TRAK1: variants seen among roughly 807,000 people sequenced by gnomAD.
TRAK1 encodes trafficking kinesin-binding protein 1.
In TRAK1, 33 loss-of-function variants were observed where a neutral mutation model predicts 92.1. The ratio of observed to expected loss-of-function variants is 0.36; its 90% CI spans 0.27 to 0.48. The LOEUF is 0.48. Ranked by LOEUF, TRAK1 falls within the 20% of genes least tolerant of loss-of-function variation. TRAK1 has a pLI of 0.99. For missense variants in TRAK1, 1,123 were observed against 1,257.9 expected (o/e 0.89, Z 1.62); for synonymous variants, 521 against 517.3 (o/e 1.01, Z -0.10).
At chr3:42,173,519 A>T (rs1490463431) in intron 2 of TRAK1, among the ~76,000 whole-genome samples, 1 of 152,166 alleles carries the variant, frequency 6.6e-6, no homozygotes, top group Non-Finnish European at 1.5e-5. Context: ...GAGTCTCCTG[A>T]GAAAACCTAA....
At chr3:42,199,921 A>T (rs1315713363) in intron 11 of TRAK1, among the ~76,000 whole-genome samples, 1 of 152,252 alleles carries the variant, frequency 6.6e-6, no homozygotes, top group Non-Finnish European at 1.5e-5. Flanking sequence ...CATTTAAAAA[A>T]TTTAAAATCA....
intron 1 of TRAK1, among the ~76,000 whole-genome samples, chr3:42,041,785 G>GTTTTTTT (rs530723218): frequency 7.7e-4 from 103 of 133,632 alleles, no homozygotes; most frequent in Non-Finnish European, 1.1e-3. Context: ...TATTTCTATT[G>GTTTTTTT]TTTTTTTTTT....
chr3:42,131,252 G>A (rs1438907127), intron 2 of TRAK1, among the ~76,000 whole-genome samples: 1 of 152,064 alleles, frequency 6.6e-6, no homozygotes, highest in Non-Finnish European at 1.5e-5. Flanking sequence ...CACAGTGGTC[G>A]CTCCCTTCTG....
At chr3:42,108,563 C>T (rs1707912447) in intron 1 of TRAK1, among the ~76,000 whole-genome samples, 1 of 150,688 alleles carries the variant, frequency 6.6e-6, no homozygotes, top group Non-Finnish European at 1.5e-5. Flanking sequence ...CACATCATGA[C>T]CCTGACAAGA....
upstream of TRAK1, chr3:42,091,194 C>T (rs1438274386): frequency 2.4e-6 from 1 of 410,016 alleles, no homozygotes; most frequent in Non-Finnish European, 4.3e-6. Flanking sequence ...TGCTACTCCC[C>T]TTCCCCCAAC....
intron 2 of TRAK1, among the ~76,000 whole-genome samples, chr3:42,152,353 T>G (rs1013685865): frequency 1.3e-5 from 2 of 152,218 alleles, no homozygotes; most frequent in African/African-American, 4.8e-5. Flanking sequence ...AGCAATGGCC[T>G]TGGCAGAATT....
rs373768026 is a variant in TRAK1 at position 42,160,857 on chromosome 3, G to T, written c.287-15957G>T. 4.7e-4 allele frequency among the ~76,000 whole-genome samples: 72 copies of T among 152,152 alleles called. No homozygotes were observed. In the South Asian group the frequency reaches 0.011, roughly 22 times the overall value. On this transcript the variant is annotated intron_variant, in intron 2 of 15. Coordinates refer to ENST00000327628, the MANE Select transcript of TRAK1 (RefSeq NM_001042646.3). ...GAGGTCTTTGAAATTCATCCTTGTT[G>T]TTGCTAATATCACTAATTTTTTTTT...
chr3:42,091,610 G>A (rs749046729), intron 1 of TRAK1, 50 bp downstream of exon 1: 20 of 1,566,994 alleles, frequency 1.3e-5, no homozygotes, highest in Non-Finnish European at 1.7e-5. Flanking sequence ...TTGTGGTGTG[G>A]TCGGAAAGGA....
chr3:42,196,981 CTT>C (rs1481926461), intron 10 of TRAK1, among the ~76,000 whole-genome samples: 4,836 of 95,238 alleles, frequency 0.051, 87 homozygotes, highest in Middle Eastern at 0.066. Flanking sequence ...CTCTCTTTCT[CTT>C]TCTCTCTCTC....
chr3:42,201,626 T>C (rs551605350), intron 12 of TRAK1, among the ~76,000 whole-genome samples: 1 of 147,256 alleles, frequency 6.8e-6, no homozygotes, highest in Non-Finnish European at 1.5e-5. Context: ...TTAATGAATA[T>C]TTTTTTTTTT....
intron 6 of TRAK1, 38 bp downstream of exon 6, chr3:42,189,162 G>T (rs751905976): frequency 6.6e-7 from 1 of 1,520,604 alleles, no homozygotes; most frequent in East Asian, 2.2e-5. Flanking sequence ...TGCTAGAAGG[G>T]TGGTGGCCCC....
intron 1 of TRAK1, among the ~76,000 whole-genome samples, chr3:42,117,479 G>GT (rs1709310860): frequency 6.6e-6 from 1 of 151,814 alleles, no homozygotes; most frequent in African/African-American, 2.4e-5. Context: ...CTCTCACTAG[G>GT]TTTTTCCTCT....
In TRAK1 at chr3:42,188,118, G is replaced by A; in HGVS notation, c.554G>A (p.Ser185Asn). Reference protein sequence around the residue: ...LQFYTSAAEESEPESVCSTPL... With the variant: ...LQFYTSAAEENEPESVCSTPL... ...TTCTACACCAGCGCTGCGGAGGAGA[G>A]TGAGCCCGAGTCCGTTTGCTCAACC... The change falls in exon 5 of 16, where the codon AGT (serine) becomes AAT (asparagine). Residue 185 changes from serine (S) to asparagine (N), a missense_variant. Physicochemically the swap from Ser to Asn is conservative, Grantham distance 46. This residue lies in a region of TRAK1 where 686 missense variants were observed against 747.6 expected (regional missense o/e 0.92). Transcript: ENST00000327628. The A allele has an allele frequency of 1.2e-6, 2 of 1,614,136 alleles. No homozygotes were observed. Among genetic ancestry groups the A allele is most frequent in the Non-Finnish European group, 8.5e-7 (1 of 1,180,036 alleles).
chr3:42,091,622 A>G, intron 1 of TRAK1, 62 bp downstream of exon 1: 2 of 1,498,828 alleles, frequency 1.3e-6, no homozygotes, highest in Non-Finnish European at 9.1e-7. Context: ...CGGAAAGGAG[A>G]AAAGACCACA....
In TRAK1 at chr3:42,099,634, C is replaced by T. The variant is rs555051591; in HGVS notation, c.91+8074C>T. Among the ~76,000 whole-genome samples, 13 of 152,274 alleles carry T rather than the reference C, an allele frequency of 8.5e-5. No homozygotes were observed. In the East Asian group the frequency reaches 1.7e-3, roughly 20 times the overall value. On this transcript the variant is annotated intron_variant, in intron 1 of 15. Coordinates refer to ENST00000327628, the MANE Select transcript of TRAK1 (RefSeq NM_001042646.3). The stretch of plus-strand genomic sequence containing the variant: ...GGAGAGTCATGCTGAGGGGCTCTGA[C>T]GTTCTTCTCTTAGTAGGAATTCTGT...
At chr3:42,191,882 C>T (rs1384102590) in intron 7 of TRAK1, among the ~76,000 whole-genome samples, 2 of 124,916 alleles carry the variant, frequency 1.6e-5, no homozygotes, top group African/African-American at 6.2e-5. Context: ...TGGCTTTATA[C>T]TGGAATATTG....
intron 2 of TRAK1, among the ~76,000 whole-genome samples, chr3:42,144,274 A>T (rs951149366): frequency 6.6e-6 from 1 of 152,314 alleles, no homozygotes; most frequent in South Asian, 2.1e-4. Flanking sequence ...CCTTAAAAAA[A>T]AAAAGAAAGA....
rs1183280891 is a variant in TRAK1, at chr3:42,092,709, T to TTA, written c.91+1150_91+1151insAT. On this transcript the variant is annotated intron_variant, in intron 1 of 15. Transcript: ENST00000327628. ...TTGTGTTGTGTTGTGTTGTGTTGTG[T>TTA]TGTGTTATGTTATGTTATGTTATGT... 8.9e-3 allele frequency among the ~76,000 whole-genome samples: 1,218 copies of TTA among 136,688 alleles called. 18 individuals are homozygous for TTA. The highest frequency in any genetic ancestry group is 0.029 in the African/African-American group (1,132 of 38,716). 89.7% of individuals were successfully genotyped at this position (136,688 alleles called of 152,430 possible).
intron 1 of TRAK1, among the ~76,000 whole-genome samples, chr3:42,097,811 A>G (rs1018592333): frequency 1.3e-5 from 2 of 152,204 alleles, no homozygotes; most frequent in Non-Finnish European, 2.9e-5. Flanking sequence ...TTGAGTTTTT[A>G]AATTTCCCAG....
Sources: gnomAD v4.1 joint callset for allele counts (sites outside exome capture counted in the v4.1 genomes callset) on GRCh38, gnomAD v4.1.1 for gene constraint, gnomAD v4.1.1 regional missense constraint, MANE v1.5 for transcripts, NCBI Gene and HGNC (gene_info 2026-07-23, HGNC 2026-07-21) for gene names.